Variants in PPP6R3 observed in about 807,000 individuals in gnomAD.
PPP6R3 encodes protein phosphatase 6 regulatory subunit 3.
In PPP6R3, 38 loss-of-function variants were observed where a neutral mutation model predicts 110.7. The observed-to-expected ratio is 0.34, with a 90% confidence interval of 0.26 to 0.45. The LOEUF is 0.45. PPP6R3 is among the 20% of genes least tolerant of loss of function. PPP6R3 has a pLI of 1.00. For missense variants in PPP6R3, 870 were observed against 1,062.4 expected (o/e 0.82, Z 2.52); for synonymous variants, 369 against 373.5 (o/e 0.99, Z 0.14).
At chr11:68,561,136 CT>C (rs2099417981) in intron 8 of PPP6R3, among the ~76,000 whole-genome samples, 2 of 152,280 alleles carry the variant, frequency 1.3e-5, no homozygotes, top group South Asian at 2.1e-4. Context: ...ATCCACCCCC[CT>C]CGGCCTCCCA....
At position 68,613,531 on chromosome 11, in the gene PPP6R3, T is replaced by A; in HGVS notation, c.*414T>A. The stretch of plus-strand genomic sequence containing the variant: ...CAAAGTATTAGGCGGTTTTCATACA[T>A]TTTTCACCTTGTACAAAATTATGAA... On this transcript the variant is annotated 3_prime_UTR_variant, in exon 24 of 24. Coordinates refer to ENST00000393800, the MANE Select transcript of PPP6R3 (RefSeq NM_001164161.2). 1 of 987,194 alleles carries A rather than the reference T, an allele frequency of 1.0e-6. No homozygotes were observed. Among genetic ancestry groups the A allele is most frequent in the East Asian group, 1.1e-4 (1 of 8,898 alleles). The allele number at this position is 987,194 out of a possible 1,614,324, so 61.2% of individuals were successfully genotyped here. A position where few individuals can be genotyped will look rare whatever the true frequency, so the allele number is the denominator to read the frequency against.
chr11:68,496,933 C>T (rs1007032956), intron 1 of PPP6R3, among the ~76,000 whole-genome samples: 13 of 139,954 alleles, frequency 9.3e-5, no homozygotes, highest in Admixed American at 4.2e-4. Context: ...GCAATCTCGG[C>T]TCACTGCAAA....
chr11:68,507,245 C>CTTTTTTTTTTTTTTTTTTTTT (rs1565485429), intron 1 of PPP6R3, among the ~76,000 whole-genome samples: 2 of 121,604 alleles, frequency 1.6e-5, no homozygotes, highest in Non-Finnish European at 1.7e-5. Flanking sequence ...AGTCTTTTTG[C>CTTTTTTTTTTTTTTTTTTTTT]ATTTTTTTTT....
intron 1 of PPP6R3, among the ~76,000 whole-genome samples, chr11:68,508,121 CTTTTT>C (rs748376581): frequency 0.19 from 14,206 of 76,588 alleles, 268 homozygotes; most frequent in Middle Eastern, 0.32. Context: ...GTTTTTTGGC[CTTTTT>C]TTTTTTTTTT....
intron 7 of PPP6R3, among the ~76,000 whole-genome samples, chr11:68,556,481 G>A (rs1257236093): frequency 6.6e-6 from 1 of 151,050 alleles, no homozygotes; most frequent in Non-Finnish European, 1.5e-5. Context: ...ATAACAAGTT[G>A]GGTTTGATCC....
At chr11:68,526,678 G>T (rs1159789204) in intron 2 of PPP6R3, among the ~76,000 whole-genome samples, 2 of 151,946 alleles carry the variant, frequency 1.3e-5, no homozygotes, top group Admixed American at 1.3e-4. Flanking sequence ...AAGACAACTG[G>T]CAAAAACTCG....
chr11:68,498,271 A>G (rs2099029685), intron 1 of PPP6R3, among the ~76,000 whole-genome samples: 1 of 152,210 alleles, frequency 6.6e-6, no homozygotes, highest in Non-Finnish European at 1.5e-5. Flanking sequence ...AAATTTGGAC[A>G]TGCAGAAATT....
At chr11:68,539,454 T>TTG (rs1436164735) in intron 3 of PPP6R3, among the ~76,000 whole-genome samples, 1 of 152,162 alleles carries the variant, frequency 6.6e-6, no homozygotes, top group Non-Finnish European at 1.5e-5. Flanking sequence ...GCCTTTGAGG[T>TTG]TGCAAGAGCA....
intron 3 of PPP6R3, among the ~76,000 whole-genome samples, chr11:68,541,834 G>A (rs2099317238): frequency 6.6e-6 from 1 of 152,030 alleles, no homozygotes; most frequent in African/African-American, 2.4e-5. Context: ...GAAGGAGGGG[G>A]GACAGTGGGT....
chr11:68,562,925 C>T lies in PPP6R3; in HGVS notation c.846-1378C>T, dbSNP rs917018409. On this transcript the variant is annotated intron_variant, in intron 8 of 23. Transcript: ENST00000393800. ...ACACTAAAATTTTAAAATTCTGCTCCGAGACTCTGTTAAGAAAATTAAAAG... is the reference window on the plus strand; with the variant it reads ...ACACTAAAATTTTAAAATTCTGCTCTGAGACTCTGTTAAGAAAATTAAAAG... Among the ~76,000 whole-genome samples, 4 of 151,912 alleles carry T rather than the reference C, an allele frequency of 2.6e-5. No homozygotes were observed. The South Asian group carries it at 6.2e-4, about 24-fold the overall frequency.
intron 19 of PPP6R3, among the ~76,000 whole-genome samples, chr11:68,597,376 G>A (rs1166458664): frequency 3.9e-5 from 6 of 152,328 alleles, no homozygotes; most frequent in African/African-American, 1.4e-4. Context: ...GGTGGCGGGA[G>A]CGAAGGCCAG....
At chr11:68,485,679 GTTAA>G (rs2098942397) in intron 1 of PPP6R3, among the ~76,000 whole-genome samples, 1 of 152,262 alleles carries the variant, frequency 6.6e-6, no homozygotes, top group East Asian at 1.9e-4. Flanking sequence ...GATGGGTCAT[GTTAA>G]TTAATTGATT....
intron 1 of PPP6R3, among the ~76,000 whole-genome samples, chr11:68,461,632 C>T (rs907532092): frequency 2.6e-5 from 4 of 151,952 alleles, no homozygotes; most frequent in African/African-American, 9.7e-5. Flanking sequence ...TATAGGTGAA[C>T]GGGATGGGTC....
intron 6 of PPP6R3, among the ~76,000 whole-genome samples, chr11:68,552,885 A>G (rs1243305247): frequency 1.3e-5 from 2 of 152,176 alleles, no homozygotes; most frequent in Non-Finnish European, 2.9e-5. Context: ...GTTTTTTGAG[A>G]AGGACACTGC....
At chr11:68,572,930 C>G (rs2099513310) in intron 12 of PPP6R3, among the ~76,000 whole-genome samples, 1 of 146,568 alleles carries the variant, frequency 6.8e-6, no homozygotes, top group African/African-American at 2.5e-5. Context: ...TCCAAGCAAG[C>G]CTTCAAGCAT....
chr11:68,480,033 G>C (rs1024711886), intron 1 of PPP6R3, among the ~76,000 whole-genome samples: 2 of 151,336 alleles, frequency 1.3e-5, no homozygotes, highest in African/African-American at 4.9e-5. Flanking sequence ...CGCCTGGCCT[G>C]GTATATTTCT....
At chr11:68,477,550 C>T (rs1207671326) in intron 1 of PPP6R3, among the ~76,000 whole-genome samples, 2 of 150,692 alleles carry the variant, frequency 1.3e-5, no homozygotes, top group East Asian at 2.0e-4. Context: ...CATAGGGAGA[C>T]CCCATCTCTA....
At chr11:68,461,189 C>T (rs1206901239) in intron 1 of PPP6R3, among the ~76,000 whole-genome samples, 1 of 151,226 alleles carries the variant, frequency 6.6e-6, no homozygotes, top group Non-Finnish European at 1.5e-5. Flanking sequence ...CCGGCCGCGG[C>T]CCGCAGTCTC....
chr11:68,464,567 C>T (rs1039769122), intron 1 of PPP6R3, among the ~76,000 whole-genome samples: 4 of 152,148 alleles, frequency 2.6e-5, no homozygotes, highest in African/African-American at 7.2e-5. Context: ...TTGGTCTTTG[C>T]AGTACCTAGA....
Sources: allele counts gnomAD v4.1 joint callset (sites outside exome capture counted in the v4.1 genomes callset), GRCh38; gene constraint gnomAD v4.1.1; transcripts MANE v1.5; gene names NCBI Gene and HGNC (gene_info 2026-07-23, HGNC 2026-07-21).